The following F11R variants were observed in gnomAD, a reference collection of about 807,000 sequenced individuals.
F11R encodes F11 receptor.
A neutral mutation model predicts 39.3 loss-of-function variants in F11R; 27 were observed. That is an observed-to-expected ratio of 0.69 (90% CI 0.51 to 0.95). F11R has a LOEUF of 0.95. Ranked by LOEUF, F11R falls within the 40% of genes least tolerant of loss-of-function variation. F11R has a pLI of 0.00. For synonymous variants in F11R, 131 were observed against 144.9 expected, an observed-to-expected ratio of 0.90 and a Z score of 0.69; for missense variants, 335 against 372.7, an observed-to-expected ratio of 0.90 and a Z score of 0.83.
chr1:161,018,936 C>G (rs1649601192), intron 1 of F11R, among the ~76,000 whole-genome samples: 1 of 152,074 alleles, frequency 6.6e-6, no homozygotes, highest in Non-Finnish European at 1.5e-5. Flanking sequence ...TCATGACCTT[C>G]CAGTGCCAGT....
intron 1 of F11R, among the ~76,000 whole-genome samples, chr1:161,007,237 G>A (rs569988989): frequency 3.6e-4 from 55 of 150,850 alleles, no homozygotes; most frequent in Non-Finnish European, 2.4e-4. Context: ...AGGCCAAGGC[G>A]GGCAGATCAC....
chr1:161,013,153 AAG>A (rs1029697289), intron 1 of F11R, among the ~76,000 whole-genome samples: 85 of 151,622 alleles, frequency 5.6e-4, no homozygotes, highest in African/African-American at 2.0e-3. Flanking sequence ...AAAAAGAAGA[AAG>A]AGGAGGAGGG....
chr1:161,003,554 C>T (rs150896937), intron 1 of F11R, among the ~76,000 whole-genome samples: 98 of 152,046 alleles, frequency 6.4e-4, no homozygotes, highest in African/African-American at 2.2e-3. Context: ...TGAGCCACGG[C>T]GACCGGCCTA....
chr1:161,003,224 A>AG (rs1648599420), intron 1 of F11R, among the ~76,000 whole-genome samples: 1 of 151,142 alleles, frequency 6.6e-6, no homozygotes, highest in African/African-American at 2.4e-5. Flanking sequence ...TCCGGGTTCA[A>AG]GGGATTCTCC....
intron 1 of F11R, among the ~76,000 whole-genome samples, chr1:161,013,078 C>T: frequency 6.6e-6 from 1 of 151,774 alleles, no homozygotes; most frequent in Non-Finnish European, 1.5e-5. Context: ...TCTATCCTCA[C>T]CCTCCTCCCA....
chr1:161,020,813 G>A lies in F11R; in HGVS notation c.64+197C>T, dbSNP rs1003363031. Among the ~76,000 whole-genome samples the A allele has an allele frequency of 9.9e-5, 15 of 152,270 alleles. No individual in the cohort carries two copies. The South Asian group carries it at 1.2e-3, about 13-fold the overall frequency. On this transcript the variant is annotated intron_variant, in intron 1 of 9. Coordinates refer to ENST00000368026, the MANE Select transcript of F11R (RefSeq NM_016946.6). ...GGGTGCGGTCACAACTCACCAGTGT[G>A]GGGGAGGGGAGCCAGCCACTCACCC...
intron 1 of F11R, among the ~76,000 whole-genome samples, chr1:161,004,935 G>A (rs1648715826): frequency 6.6e-6 from 1 of 151,626 alleles, no homozygotes; most frequent in Non-Finnish European, 1.5e-5. Flanking sequence ...CCGAGGTGGG[G>A]AGACTGCTTG....
intron 1 of F11R, among the ~76,000 whole-genome samples, chr1:161,006,600 T>C (rs1321645535): frequency 6.6e-6 from 1 of 152,198 alleles, no homozygotes; most frequent in African/African-American, 2.4e-5. Context: ...TGCCATCACC[T>C]GGTCTGGGCT....
At chr1:160,999,128 C>G (rs1282599458) in intron 8 of F11R, 37 bp from the exon 9 acceptor site, 5 of 1,613,902 alleles carry the variant, frequency 3.1e-6, no homozygotes, top group Non-Finnish European at 4.2e-6. Flanking sequence ...ACTCAGCCAC[C>G]TAGGTGCTTA....
At position 161,001,285 on chromosome 1, in the gene F11R, G is replaced by A. The variant is rs758526809; in HGVS notation, c.133C>T (p.Pro45Ser). Residue 45 changes from proline (P) to serine (S), a missense_variant and splice_region_variant, in exon 2 of 10, where the codon CCT becomes TCT. Coordinates refer to ENST00000368026, the MANE Select transcript of F11R (RefSeq NM_016946.6). ...CCCTCCATGGCCCCTCCCAACTCAC[G>A]ATTATTCTCAGGAATTCTGACTTCA... ...EPEVRIPENN[P>S]VKLSCAYSGF... 34 of 1,613,788 alleles carry A rather than the reference G, an allele frequency of 2.1e-5. No homozygotes were observed. The highest frequency in any genetic ancestry group is 6.7e-5 in the East Asian group (3 of 44,880).
rs1485745646 is a variant in F11R, at chr1:160,996,640, C to G, written c.*2231G>C. ...AATTAGCCAGGCATGGTGGCACGCA[C>G]CCGTAATCCCAGCTACTCAGGAGAC... On this transcript the variant is annotated 3_prime_UTR_variant, in exon 10 of 10. Transcript: ENST00000368026. The G allele has an allele frequency of 6.6e-6, 1 of 152,292 alleles. No homozygotes were observed. Among genetic ancestry groups the G allele is most frequent in the Non-Finnish European group, 1.5e-5 (1 of 68,156 alleles). The allele number at this position is 152,292 out of a possible 1,614,324, so 9.4% of individuals were successfully genotyped here.
chr1:161,006,280 G>A (rs1333846345), intron 1 of F11R, among the ~76,000 whole-genome samples: 1 of 151,982 alleles, frequency 6.6e-6, no homozygotes, highest in African/African-American at 2.4e-5. Flanking sequence ...TTCCACGGGC[G>A]TGGATCCCAA....
At position 160,998,874 on chromosome 1, in the gene F11R, C is replaced by T. The variant is rs550614644; in HGVS notation, c.897G>A (p.Val299=). 1.9e-6 allele frequency: 3 copies of T among 1,614,198 alleles called. No homozygotes were observed. The African/African-American group carries it at 4.0e-5, about 22-fold the overall frequency. The change falls in exon 10 of 10, where the codon GTG becomes GTA. Residue 299 remains valine, a synonymous_variant. Transcript: ENST00000368026. The part of the protein sequence containing the change: ...GEFKQTSSFL[V] ...ATAGGCGGTGAGCCGACCAGGCTCA[C>T]ACCAGGAATGACGAGGTCTGTTTGA...
intron 1 of F11R, among the ~76,000 whole-genome samples, chr1:161,019,943 A>C (rs946755955): frequency 2.6e-5 from 4 of 152,196 alleles, no homozygotes; most frequent in African/African-American, 7.2e-5. Context: ...ATCTAAGGGC[A>C]GGGAATCTAC....
intron 1 of F11R, among the ~76,000 whole-genome samples, chr1:161,019,750 A>G (rs1649646295): frequency 6.6e-6 from 1 of 152,072 alleles, no homozygotes; most frequent in Non-Finnish European, 1.5e-5. Flanking sequence ...GAAAAAGGAA[A>G]AGCAAGTCAA....
At chr1:161,004,421 G>A (rs984308542) in intron 1 of F11R, among the ~76,000 whole-genome samples, 1 of 152,024 alleles carries the variant, frequency 6.6e-6, no homozygotes, top group African/African-American at 2.4e-5. Flanking sequence ...TTAGCCAGGC[G>A]TGGTGGCGCG....
At position 161,000,126 on chromosome 1, in the gene F11R, C is replaced by T. The variant is rs1185906963; in HGVS notation, c.591+20G>A. 6.2e-7 allele frequency: 1 copy of T among 1,613,676 alleles called. No homozygotes were observed. Among genetic ancestry groups the T allele is most frequent in the Admixed American group, 1.7e-5 (1 of 60,014 alleles). Reference sequence around the variant, plus strand: ...ATAACTGCATCCCCCACACATCTTTCACCACCACCCCATACATACCAGCTC... The same window carrying T: ...ATAACTGCATCCCCCACACATCTTTTACCACCACCCCATACATACCAGCTC... On this transcript the variant is annotated intron_variant, in intron 5 of 9. Transcript: ENST00000368026.
At chr1:161,020,981 C>T (rs372574631) in intron 1 of F11R, 29 bp downstream of exon 1, 2 of 1,611,794 alleles carry the variant, frequency 1.2e-6, no homozygotes, top group Admixed American at 3.3e-5. Context: ...CCCGACCAAC[C>T]GATTCCTCCC....
chr1:160,999,358 C>G (rs1481583794), intron 8 of F11R, 38 bp downstream of exon 8: 1 of 1,614,078 alleles, frequency 6.2e-7, no homozygotes. Context: ...CATCCATGCT[C>G]TCAAACTTGG....
Sources: gnomAD v4.1 joint callset for allele counts (sites outside exome capture counted in the v4.1 genomes callset) on GRCh38, gnomAD v4.1.1 for gene constraint, MANE v1.5 for transcripts, NCBI Gene and HGNC (gene_info 2026-07-23, HGNC 2026-07-21) for gene names.